Variants in FYN observed in about 807,000 individuals in gnomAD.
The protein encoded by FYN is FYN proto-oncogene, Src family tyrosine kinase.
Under a neutral mutation model 70.2 loss-of-function variants are expected in FYN, and 10 were observed. That is an observed-to-expected ratio of 0.14 (90% CI 0.09 to 0.24). The LOEUF (loss-of-function observed/expected upper bound fraction) is 0.24, where lower values mean the gene tolerates loss of function less well. Among genes scored for constraint, FYN ranks in the 10% least tolerant of loss-of-function variants. The pLI is 1.00. For synonymous variants in FYN, 236 were observed against 248.6 expected, an observed-to-expected ratio of 0.95 and a Z score of 0.48; for missense variants, 319 against 673.1, an observed-to-expected ratio of 0.47 and a Z score of 5.82.
chr6:111,675,524 T>C (rs1237399120), intron 12 of FYN, among the ~76,000 whole-genome samples: 1 of 152,142 alleles, frequency 6.6e-6, no homozygotes, highest in Non-Finnish European at 1.5e-5. Flanking sequence ...CCGGGTGTGG[T>C]GGCTCACACC....
intron 12 of FYN, among the ~76,000 whole-genome samples, chr6:111,688,789 G>C (rs1799156487): frequency 6.6e-6 from 1 of 152,170 alleles, no homozygotes; most frequent in South Asian, 2.1e-4. Flanking sequence ...TCTCAACAGA[G>C]AATGCAAATA....
At chr6:111,764,252 GAAAGAAA>G (rs1359800724) in intron 3 of FYN, among the ~76,000 whole-genome samples, 3 of 89,360 alleles carry the variant, frequency 3.4e-5, no homozygotes, top group East Asian at 4.2e-4. Flanking sequence ...AAAAAAGAAA[GAAAGAAA>G]AAAGAAAAAA....
In FYN at chr6:111,694,353, C is replaced by T. The variant is rs1431977837; in HGVS notation, c.1273+22G>A. ...CTGTTCTCACAGCTGTGATCACGAG[C>T]CATTGTCATTCAAGTGCCCACCTTG... On this transcript the variant is annotated intron_variant, in intron 12 of 13. Transcript: ENST00000354650. This position sits in a 1 kb window ranked among gnomAD's most constrained non-coding sequence, Gnocchi z 5.0. 2 of 1,613,416 alleles carry T rather than the reference C, an allele frequency of 1.2e-6. No homozygotes were observed. Among genetic ancestry groups the T allele is most frequent in the African/African-American group, 2.7e-5 (2 of 74,928 alleles).
At chr6:111,699,045 T>C (rs1799708063) in intron 9 of FYN, among the ~76,000 whole-genome samples, 2 of 152,194 alleles carry the variant, frequency 1.3e-5, no homozygotes. Flanking sequence ...ATCGCGCCAT[T>C]GCACTCCAGC....
Position 111,740,344 on chromosome 6 carries a change from A to G in FYN, c.-11-20282T>C, listed in dbSNP as rs1044047718. On this transcript the variant is annotated intron_variant, in intron 3 of 13. Transcript: ENST00000354650. ...TAAAAAAATTGGATACAATCTAGGC[A>G]CTCAGAGGATTAACAAAGTAGGGTA... Among the ~76,000 whole-genome samples the G allele has an allele frequency of 3.3e-5, 5 of 152,256 alleles. No individual in the cohort carries two copies. The South Asian group carries it at 6.2e-4, about 19-fold the overall frequency.
intron 3 of FYN, among the ~76,000 whole-genome samples, chr6:111,752,370 G>A (rs1341118577): frequency 6.6e-6 from 1 of 152,216 alleles, no homozygotes; most frequent in African/African-American, 2.4e-5. Context: ...TAAAACAAGT[G>A]TACAAATAAT....
At chr6:111,796,920 T>G (rs1308467088) in intron 2 of FYN, among the ~76,000 whole-genome samples, 1 of 152,250 alleles carries the variant, frequency 6.6e-6, no homozygotes, top group Non-Finnish European at 1.5e-5. Flanking sequence ...CAGGTTCACC[T>G]GTCATGTGGT....
intron 12 of FYN, among the ~76,000 whole-genome samples, chr6:111,686,353 C>T (rs964980186): frequency 1.3e-5 from 2 of 152,144 alleles, no homozygotes; most frequent in Non-Finnish European, 2.9e-5. Context: ...CAGCACGGTT[C>T]AGGCATGCGA....
At chr6:111,784,118 G>A (rs1270163975) in intron 2 of FYN, among the ~76,000 whole-genome samples, 3 of 152,104 alleles carry the variant, frequency 2.0e-5, no homozygotes, top group Non-Finnish European at 2.9e-5. Flanking sequence ...TGTGGAATGC[G>A]CCACCTAGAA....
intron 2 of FYN, among the ~76,000 whole-genome samples, chr6:111,790,966 A>G (rs1156569269): frequency 2.0e-5 from 3 of 152,238 alleles, no homozygotes; most frequent in East Asian, 1.9e-4. Context: ...CAATATTTTT[A>G]TATGTCAATT....
chr6:111,677,769 C>G (rs774705673), intron 12 of FYN, among the ~76,000 whole-genome samples: 1 of 152,142 alleles, frequency 6.6e-6, no homozygotes, highest in Non-Finnish European at 1.5e-5. Flanking sequence ...TATGGACTTA[C>G]AGAACAACGG....
intron 13 of FYN, among the ~76,000 whole-genome samples, chr6:111,663,264 T>G (rs1282352070): frequency 6.6e-6 from 1 of 152,208 alleles, no homozygotes; most frequent in Non-Finnish European, 1.5e-5. Context: ...CAAGATTTCT[T>G]CCCCTATTTC....
At chr6:111,677,719 G>C (rs1200643476) in intron 12 of FYN, among the ~76,000 whole-genome samples, 1 of 152,158 alleles carries the variant, frequency 6.6e-6, no homozygotes, top group Non-Finnish European at 1.5e-5. Context: ...GTAAAGTTCT[G>C]ACAGGCAAAA....
At chr6:111,850,186 A>G (rs1031288111) in intron 1 of FYN, among the ~76,000 whole-genome samples, 29 of 152,244 alleles carry the variant, frequency 1.9e-4, no homozygotes, top group African/African-American at 6.8e-4. Flanking sequence ...TTTAAGAGCC[A>G]TGATGAATCC....
chr6:111,681,584 T>C (rs560833267), intron 12 of FYN, among the ~76,000 whole-genome samples: 3 of 152,270 alleles, frequency 2.0e-5, no homozygotes, highest in African/African-American at 7.2e-5. Context: ...ATGCTCTCTT[T>C]CTCTTCACCT....
chr6:111,816,026 A>G (rs961662079), intron 2 of FYN, among the ~76,000 whole-genome samples: 1 of 152,142 alleles, frequency 6.6e-6, no homozygotes, highest in African/African-American at 2.4e-5. Flanking sequence ...CTACTGCTGA[A>G]TTTCACTTGT....
intron 9 of FYN, chr6:111,699,836 A>G (rs956599010): frequency 1.4e-6 from 1 of 728,576 alleles, no homozygotes; most frequent in Admixed American, 3.2e-5. Context: ...CATTCCTTGG[A>G]CCATTTGCTG....
At chr6:111,665,544 G>A (rs1797954947) in intron 13 of FYN, among the ~76,000 whole-genome samples, 1 of 152,122 alleles carries the variant, frequency 6.6e-6, no homozygotes, top group Non-Finnish European at 1.5e-5. Flanking sequence ...GAATAAACAC[G>A]AGTTTGGGCA....
intron 1 of FYN, among the ~76,000 whole-genome samples, chr6:111,849,889 C>T (rs1011557255): frequency 1.3e-5 from 2 of 152,200 alleles, no homozygotes; most frequent in Non-Finnish European, 2.9e-5. Context: ...CTCTGTGTTC[C>T]CACGGCACTT....
Sources: gnomAD v4.1 joint callset for allele counts (sites outside exome capture counted in the v4.1 genomes callset) on GRCh38, gnomAD v4.1.1 for gene constraint, Gnocchi (gnomAD v3.1) non-coding constraint, MANE v1.5 for transcripts, NCBI Gene and HGNC (gene_info 2026-07-23, HGNC 2026-07-21) for gene names.